The following PKIA variants were observed in gnomAD, a reference collection of about 807,000 sequenced individuals.
PKIA encodes the protein PKI-alpha.
A neutral mutation model predicts 7.6 loss-of-function variants in PKIA; 4 were observed. The ratio of observed to expected loss-of-function variants is 0.52; its 90% CI spans 0.26 to 1.20. PKIA has a LOEUF of 1.20. Among genes scored for constraint, PKIA ranks in the 50% most tolerant of loss-of-function variants. The probability of loss-of-function intolerance (pLI) is 0.13; values close to 1 mark genes in which losing one functional copy is unlikely to be tolerated. For synonymous variants in PKIA, 21 were observed against 30.7 expected, an observed-to-expected ratio of 0.68 and a Z score of 1.04; for missense variants, 73 against 86.2, an observed-to-expected ratio of 0.85 and a Z score of 0.61.
intron 2 of PKIA, among the ~76,000 whole-genome samples, chr8:78,587,505 A>G (rs1807974674): frequency 6.6e-6 from 1 of 152,224 alleles, no homozygotes; most frequent in Non-Finnish European, 1.5e-5. Flanking sequence ...TTCTGCAGCT[A>G]ATTGACTTTC....
intron 2 of PKIA, among the ~76,000 whole-genome samples, chr8:78,579,799 AC>A (rs772993054): frequency 6.6e-6 from 1 of 152,080 alleles, no homozygotes; most frequent in Non-Finnish European, 1.5e-5. Context: ...GTTCCAGACA[AC>A]CATTTCCACC....
At chr8:78,555,621 C>G (rs1807113261) in intron 1 of PKIA, among the ~76,000 whole-genome samples, 3 of 151,968 alleles carry the variant, frequency 2.0e-5, no homozygotes, top group Admixed American at 2.0e-4. Context: ...AAATTGATCC[C>G]TGTTTTCTGA....
chr8:78,598,193 G>A (rs1341515444), intron 2 of PKIA, among the ~76,000 whole-genome samples, 165 bp from the exon 3 acceptor site: 1 of 150,280 alleles, frequency 6.7e-6, no homozygotes, highest in Non-Finnish European at 1.5e-5. Flanking sequence ...GTACATTAAA[G>A]GTTCCCAGAC....
intron 2 of PKIA, among the ~76,000 whole-genome samples, chr8:78,592,649 T>C (rs933986293): frequency 6.6e-6 from 1 of 152,126 alleles, no homozygotes; most frequent in Admixed American, 6.5e-5. Context: ...TACTTGGGAG[T>C]GCACTAAATG....
At chr8:78,582,310 A>G (rs1431532501) in intron 2 of PKIA, among the ~76,000 whole-genome samples, 2 of 151,912 alleles carry the variant, frequency 1.3e-5, no homozygotes, top group African/African-American at 2.4e-5. Flanking sequence ...ACAGTTCCAC[A>G]TTGCTGGAGA....
intron 1 of PKIA, among the ~76,000 whole-genome samples, chr8:78,565,689 T>C (rs1807394896): frequency 6.6e-6 from 1 of 151,860 alleles, no homozygotes; most frequent in African/African-American, 2.4e-5. Flanking sequence ...CTAAAGTAAT[T>C]AGGGTTTTTT....
intron 1 of PKIA, among the ~76,000 whole-genome samples, chr8:78,560,404 C>G (rs866613539): frequency 2.0e-5 from 3 of 152,304 alleles, no homozygotes; most frequent in South Asian, 2.1e-4. Flanking sequence ...TTTCTATTCA[C>G]ACCTTGAATC....
intron 2 of PKIA, among the ~76,000 whole-genome samples, chr8:78,591,045 T>C (rs538267028): frequency 7.2e-4 from 109 of 152,354 alleles, no homozygotes; most frequent in African/African-American, 2.0e-3. Context: ...AAAGGAATCA[T>C]AGTATTCAGA....
intron 2 of PKIA, among the ~76,000 whole-genome samples, chr8:78,573,201 G>A (rs1160049696): frequency 6.6e-6 from 1 of 151,984 alleles, no homozygotes; most frequent in East Asian, 1.9e-4. Context: ...AATCCCAGGA[G>A]GTTAGGCCTG....
At chr8:78,527,825 C>T (rs1270905694) in intron 1 of PKIA, among the ~76,000 whole-genome samples, 1 of 151,938 alleles carries the variant, frequency 6.6e-6, no homozygotes, top group African/African-American at 2.4e-5. Flanking sequence ...TTTGGCCTTC[C>T]ATCAGCTTTT....
chr8:78,528,036 G>C (rs1806290866), intron 1 of PKIA, among the ~76,000 whole-genome samples: 1 of 152,050 alleles, frequency 6.6e-6, no homozygotes, highest in Non-Finnish European at 1.5e-5. Context: ...AATGAGTAGA[G>C]AAAACTGTAC....
chr8:78,526,863 A>T (rs1335534346), intron 1 of PKIA, among the ~76,000 whole-genome samples: 1 of 151,936 alleles, frequency 6.6e-6, no homozygotes, highest in African/African-American at 2.4e-5. Flanking sequence ...ACATATTTAC[A>T]TTAGTATGAT....
At chr8:78,552,606 C>T (rs1259141653) in intron 1 of PKIA, among the ~76,000 whole-genome samples, 2 of 151,898 alleles carry the variant, frequency 1.3e-5, no homozygotes, top group African/African-American at 2.4e-5. Context: ...AATCAGGCAC[C>T]CTTAACAGGA....
At chr8:78,537,992 G>A (rs1450312792) in intron 1 of PKIA, among the ~76,000 whole-genome samples, 2 of 151,888 alleles carry the variant, frequency 1.3e-5, no homozygotes, top group Admixed American at 6.6e-5. Flanking sequence ...AGGTGTCCTG[G>A]TCTCCAAAAG....
intron 1 of PKIA, among the ~76,000 whole-genome samples, chr8:78,569,299 G>A (rs963764481): frequency 5.3e-5 from 8 of 152,114 alleles, no homozygotes; most frequent in Non-Finnish European, 1.0e-4. Context: ...TTAGAGTGCT[G>A]AGCCTCCATT....
chr8:78,532,522 A>AG (rs1467959456), intron 1 of PKIA, among the ~76,000 whole-genome samples: 1 of 151,692 alleles, frequency 6.6e-6, no homozygotes, highest in Non-Finnish European at 1.5e-5. Flanking sequence ...AAAAAAAAAA[A>AG]AAAGGAAGAA....
At chr8:78,525,568 T>C (rs1483839156) in intron 1 of PKIA, among the ~76,000 whole-genome samples, 3 of 152,054 alleles carry the variant, frequency 2.0e-5, no homozygotes, top group Non-Finnish European at 4.4e-5. Flanking sequence ...AATACTTAAA[T>C]GTTTAAATTT....
chr8:78,555,803 T>C (rs1324380546), intron 1 of PKIA, among the ~76,000 whole-genome samples: 1 of 152,100 alleles, frequency 6.6e-6, no homozygotes, highest in African/African-American at 2.4e-5. Flanking sequence ...CTGCTAAAGT[T>C]ATTAATGCAC....
At chr8:78,551,336 T>G (rs143374180) in intron 1 of PKIA, among the ~76,000 whole-genome samples, 1 of 152,174 alleles carries the variant, frequency 6.6e-6, no homozygotes, top group East Asian at 1.9e-4. Context: ...GTATGGTATA[T>G]GGTAGACACC....
Sources: allele counts gnomAD v4.1 joint callset (sites outside exome capture counted in the v4.1 genomes callset), GRCh38; gene constraint gnomAD v4.1.1; transcripts MANE v1.5; gene names NCBI Gene and HGNC (gene_info 2026-07-23, HGNC 2026-07-21).